ARL15: variants seen among roughly 807,000 people sequenced by gnomAD.
ARL15 encodes ARF like GTPase 15, also known as ADP-ribosylation factor-like protein 15.
ARL15 carries 19 observed loss-of-function variants against 25.2 expected under a neutral mutation model. The ratio of observed to expected loss-of-function variants is 0.75; its 90% CI spans 0.53 to 1.10. The LOEUF is 1.10. Ranked by LOEUF, ARL15 falls within the 50% of genes least tolerant of loss-of-function variation. ARL15 has a pLI of 0.00. For synonymous variants in ARL15, 94 were observed against 86.8 expected, an observed-to-expected ratio of 1.08 and a Z score of -0.46; for missense variants, 220 against 246.0, an observed-to-expected ratio of 0.89 and a Z score of 0.71.
At chr5:54,110,454 C>G (rs935179226) in intron 4 of ARL15, among the ~76,000 whole-genome samples, 4 of 151,958 alleles carry the variant, frequency 2.6e-5, no homozygotes, top group South Asian at 2.1e-4. Flanking sequence ...GAATCAATAG[C>G]CTTTATGACT....
chr5:54,254,557 T>A (rs1012423942), intron 1 of ARL15, among the ~76,000 whole-genome samples: 8 of 152,184 alleles, frequency 5.3e-5, no homozygotes, highest in South Asian at 2.1e-4. Context: ...ATAGTTTCTT[T>A]TAGTAGAAGA....
At chr5:53,971,459 T>C (rs773289126) in intron 4 of ARL15, among the ~76,000 whole-genome samples, 7 of 152,118 alleles carry the variant, frequency 4.6e-5, no homozygotes, top group Non-Finnish European at 1.0e-4. Flanking sequence ...TAAAGAATAA[T>C]AACAAAAATA....
intron 4 of ARL15, among the ~76,000 whole-genome samples, chr5:54,044,356 G>A (rs1170468843): frequency 2.0e-5 from 3 of 149,048 alleles, no homozygotes; most frequent in African/African-American, 7.5e-5. Flanking sequence ...CAATTCTCCT[G>A]CCTTAGCCTC....
chr5:53,934,048 A>G (rs1746280246), intron 4 of ARL15, among the ~76,000 whole-genome samples: 1 of 152,338 alleles, frequency 6.6e-6, no homozygotes, highest in Admixed American at 6.5e-5. Flanking sequence ...TTCTGTTGAA[A>G]TATTGACATT....
intron 1 of ARL15, among the ~76,000 whole-genome samples, chr5:54,241,324 C>T (rs10044346): frequency 0.62 from 94,316 of 151,876 alleles, 30,067 homozygotes; most frequent in Non-Finnish European, 0.69. Flanking sequence ...ATATAATTCA[C>T]CCAATGGTTG....
At chr5:54,023,652 G>T (rs890241634) in intron 4 of ARL15, among the ~76,000 whole-genome samples, 4 of 152,100 alleles carry the variant, frequency 2.6e-5, no homozygotes, top group African/African-American at 9.7e-5. Context: ...AGGCCTCTCT[G>T]ACCTTCCTCC....
chr5:54,134,678 G>C (rs890302547), intron 3 of ARL15, among the ~76,000 whole-genome samples: 1 of 142,476 alleles, frequency 7.0e-6, no homozygotes, highest in Admixed American at 7.6e-5. Context: ...TCTGCCTCCC[G>C]GGTTCAAGCG....
chr5:54,133,471 C>T (rs1338125290), intron 3 of ARL15, among the ~76,000 whole-genome samples: 1 of 152,040 alleles, frequency 6.6e-6, no homozygotes, highest in Non-Finnish European at 1.5e-5. Context: ...TATCCATGGC[C>T]AAATACGTGA....
intron 4 of ARL15, among the ~76,000 whole-genome samples, chr5:53,953,016 G>A (rs1391110301): frequency 1.3e-5 from 2 of 152,182 alleles, no homozygotes; most frequent in Non-Finnish European, 2.9e-5. Flanking sequence ...TTCTGCAAAT[G>A]TTCACTTTAC....
At position 54,264,548 on chromosome 5, in the gene ARL15, G is replaced by T. The variant is rs564742619; in HGVS notation, c.48+45884C>A. On this transcript the variant is annotated intron_variant, in intron 1 of 4. Transcript: ENST00000504924. ...CCAAAGTCCTTAAAAAGGCCTGAAA[G>T]CCCTAGATGATCTGGCCTCTTATTT... 4.6e-5 allele frequency among the ~76,000 whole-genome samples: 7 copies of T among 152,230 alleles called. 1 individual carries two copies. The highest frequency in any genetic ancestry group is 1.7e-4 in the African/African-American group (7 of 41,558).
rs117132955 is a variant in ARL15, at chr5:54,232,310, T to C, written c.49-60382A>G. The stretch of plus-strand genomic sequence containing the variant: ...GGCTGTCTGTTCACGGCTGCAACCC[T>C]AACATAACCCAAGAGCACTATTAAT... On this transcript the variant is annotated intron_variant, in intron 1 of 4. Coordinates refer to ENST00000504924, the MANE Select transcript of ARL15 (RefSeq NM_019087.3). 2.8e-4 allele frequency among the ~76,000 whole-genome samples: 43 copies of C among 152,226 alleles called. 1 individual carries two copies. In the East Asian group the frequency reaches 6.2e-3, roughly 22 times the overall value.
At chr5:54,135,195 C>T (rs144254469) in intron 3 of ARL15, among the ~76,000 whole-genome samples, 10 of 152,180 alleles carry the variant, frequency 6.6e-5, no homozygotes, top group African/African-American at 2.4e-4. Flanking sequence ...ATGGGAAAGA[C>T]ATGACTAAAA....
At chr5:53,975,923 G>A (rs1319850006) in intron 4 of ARL15, among the ~76,000 whole-genome samples, 1 of 152,054 alleles carries the variant, frequency 6.6e-6, no homozygotes, top group Non-Finnish European at 1.5e-5. Flanking sequence ...ATATTAAGTG[G>A]CCATACCTTT....
At chr5:53,976,713 G>C (rs975289961) in intron 4 of ARL15, among the ~76,000 whole-genome samples, 1 of 152,190 alleles carries the variant, frequency 6.6e-6, no homozygotes, top group Non-Finnish European at 1.5e-5. Context: ...CGAGCTTGAG[G>C]TCGTGGTGCT....
At chr5:54,189,907 T>A (rs1755347088) in intron 1 of ARL15, among the ~76,000 whole-genome samples, 1 of 152,186 alleles carries the variant, frequency 6.6e-6, no homozygotes. Context: ...AAAATATTTT[T>A]AAATCATATC....
At chr5:54,018,113 T>C (rs1171133980) in intron 4 of ARL15, among the ~76,000 whole-genome samples, 1 of 152,194 alleles carries the variant, frequency 6.6e-6, no homozygotes, top group Non-Finnish European at 1.5e-5. Flanking sequence ...AATATCTGGA[T>C]TCAAATCCAA....
chr5:54,157,963 T>C (rs1473222502), intron 2 of ARL15, among the ~76,000 whole-genome samples: 1 of 152,216 alleles, frequency 6.6e-6, no homozygotes, highest in Non-Finnish European at 1.5e-5. Context: ...TTTTCTATTT[T>C]AGTCATTCTA....
intron 3 of ARL15, among the ~76,000 whole-genome samples, chr5:54,153,141 GT>G (rs1170764289): frequency 6.6e-6 from 1 of 152,122 alleles, no homozygotes; most frequent in African/African-American, 2.4e-5. Flanking sequence ...CATTTACAAT[GT>G]GTTCTTTGAT....
chr5:54,077,448 G>A (rs1220282562), intron 4 of ARL15, among the ~76,000 whole-genome samples: 3 of 152,094 alleles, frequency 2.0e-5, no homozygotes, highest in Non-Finnish European at 2.9e-5. Flanking sequence ...AAAAATGAAC[G>A]CAGACACTGA....
Sources: allele counts gnomAD v4.1 joint callset (sites outside exome capture counted in the v4.1 genomes callset), GRCh38; gene constraint gnomAD v4.1.1; transcripts MANE v1.5; gene names NCBI Gene and HGNC (gene_info 2026-07-23, HGNC 2026-07-21).